SOS2: variants seen among roughly 807,000 people sequenced by gnomAD.
The protein encoded by SOS2 is SOS Ras/Rho guanine nucleotide exchange factor 2.
A neutral mutation model predicts 148.2 loss-of-function variants in SOS2; 65 were observed. The observed-to-expected ratio is 0.44, with a 90% CI of 0.36 to 0.54. The LOEUF (loss-of-function observed/expected upper bound fraction) is 0.54, where lower values mean the gene tolerates loss of function less well. SOS2 is among the 20% of genes least tolerant of loss of function. The probability of loss-of-function intolerance (pLI) is 0.00; values close to 1 mark genes in which losing one functional copy is unlikely to be tolerated. For missense variants in SOS2, 1,341 were observed against 1,590.2 expected (o/e 0.84, Z 2.67); for synonymous variants, 539 against 537.1 (o/e 1.00, Z -0.05).
At chr14:50,191,695 G>A (rs1886144977) in intron 4 of SOS2, among the ~76,000 whole-genome samples, 1 of 152,000 alleles carries the variant, frequency 6.6e-6, no homozygotes, top group Admixed American at 6.6e-5. Context: ...GAAACAGTGG[G>A]GATTATGGTA....
chr14:50,170,332 A>G (rs1343771917), intron 8 of SOS2, among the ~76,000 whole-genome samples: 1 of 152,112 alleles, frequency 6.6e-6, no homozygotes, highest in Non-Finnish European at 1.5e-5. Flanking sequence ...CAAGAAGGAA[A>G]AGAAAAAAAA....
intron 4 of SOS2, among the ~76,000 whole-genome samples, chr14:50,194,259 C>T (rs1369850036): frequency 2.0e-5 from 3 of 152,124 alleles, no homozygotes; most frequent in African/African-American, 4.8e-5. Flanking sequence ...GCAAGAAAGA[C>T]GTATGGCCCA....
At chr14:50,131,091 C>T (rs1883852093) in intron 19 of SOS2, among the ~76,000 whole-genome samples, 1 of 152,052 alleles carries the variant, frequency 6.6e-6, no homozygotes, top group Non-Finnish European at 1.5e-5. Flanking sequence ...ATTTTACAAA[C>T]ATTTACTGGG....
intron 1 of SOS2, among the ~76,000 whole-genome samples, chr14:50,211,549 T>C (rs1441757009): frequency 6.6e-6 from 1 of 151,664 alleles, no homozygotes; most frequent in East Asian, 1.9e-4. Context: ...ATGCAGCATT[T>C]GTTTTTTTTT....
At chr14:50,135,642 C>CTTTTTTTTT (rs56043962) in intron 18 of SOS2, among the ~76,000 whole-genome samples, 36 of 82,566 alleles carry the variant, frequency 4.4e-4, no homozygotes, top group Non-Finnish European at 4.9e-4. Flanking sequence ...ATGTGGTTTG[C>CTTTTTTTTT]TTTTTTTTTT....
At chr14:50,135,347 AT>A (rs1422877415) in intron 18 of SOS2, among the ~76,000 whole-genome samples, 1 of 151,372 alleles carries the variant, frequency 6.6e-6, no homozygotes, top group Non-Finnish European at 1.5e-5. Context: ...TTATCAAAAA[AT>A]ATTTTAAGCT....
At chr14:50,184,964 G>A (rs1191620801) in intron 5 of SOS2, among the ~76,000 whole-genome samples, 2 of 152,074 alleles carry the variant, frequency 1.3e-5, no homozygotes, top group East Asian at 3.9e-4. Flanking sequence ...ACCTTGTGGA[G>A]GTGCTAGGAG....
intron 8 of SOS2, 105 bp from the exon 9 acceptor site, chr14:50,161,714 T>C: frequency 2.1e-6 from 2 of 959,258 alleles, no homozygotes; most frequent in Non-Finnish European, 3.1e-6. Context: ...TCTAAGTTAA[T>C]TTTATATATA....
At chr14:50,226,097 T>C (rs529092739) in intron 1 of SOS2, among the ~76,000 whole-genome samples, 2 of 151,490 alleles carry the variant, frequency 1.3e-5, no homozygotes, top group Non-Finnish European at 2.9e-5. Context: ...CACAGCCACT[T>C]AGAACACAAG....
At chr14:50,130,897 T>G in intron 19 of SOS2, 135 bp from the exon 20 acceptor site, 1 of 647,588 alleles carries the variant, frequency 1.5e-6, no homozygotes, top group South Asian at 2.2e-5. Flanking sequence ...CAGTCTGCAA[T>G]GACAGCCTGT....
Position 50,149,895 on chromosome 14 carries a change from G to A in SOS2, c.2384+113C>T, listed in dbSNP as rs1049893819. 1.1e-5 allele frequency: 8 copies of A among 749,302 alleles called. No individual in the cohort carries two copies. In the Admixed American group the frequency reaches 1.3e-4, roughly 12 times the overall value. The allele number at this position is 749,302 out of a possible 1,614,324, so 46.4% of individuals were successfully genotyped here. On this transcript the variant is annotated intron_variant, in intron 14 of 22. Transcript: ENST00000216373. ...GCTATGACCTTTCCTCTAAGCCCATGAGAGTAGATGAGGTATTTTTAAGCA... is the reference window on the plus strand; with the variant it reads ...GCTATGACCTTTCCTCTAAGCCCATAAGAGTAGATGAGGTATTTTTAAGCA...
intron 7 of SOS2, among the ~76,000 whole-genome samples, chr14:50,177,773 A>T (rs1885572257): frequency 6.6e-6 from 1 of 152,172 alleles, no homozygotes; most frequent in African/African-American, 2.4e-5. Context: ...AACAATGGGA[A>T]TTTATAGTAC....
intron 1 of SOS2, among the ~76,000 whole-genome samples, chr14:50,227,243 CTTTCTTTTT>C (rs1193149228): frequency 2.7e-5 from 3 of 112,620 alleles, no homozygotes; most frequent in South Asian, 2.7e-4. Flanking sequence ...TTCTTTCTTT[CTTTCTTTTT>C]TTTTTTTTTT....
At chr14:50,119,082 C>T (rs546184041) in intron 22 of SOS2, among the ~76,000 whole-genome samples, 1 of 152,044 alleles carries the variant, frequency 6.6e-6, no homozygotes, top group Non-Finnish European at 1.5e-5. Context: ...CTTTATCTTG[C>T]TTTGTGTATA....
rs1268478008 is a variant in SOS2, at chr14:50,117,287, C to G, written c.*1057G>C. On this transcript the variant is annotated 3_prime_UTR_variant, in exon 23 of 23. Transcript: ENST00000216373. Reference sequence around the variant, plus strand: ...CAGCAAAACACTCTATCACTTTGAACGAAGGCATCCAAATGGCAAATAAAA... The same window carrying G: ...CAGCAAAACACTCTATCACTTTGAAGGAAGGCATCCAAATGGCAAATAAAA... 6.6e-6 allele frequency: 1 copy of G among 152,072 alleles called. No homozygotes were observed. Among genetic ancestry groups the G allele is most frequent in the South Asian group, 2.1e-4 (1 of 4,828 alleles). The allele number at this position is 152,072 out of a possible 1,614,324, so 9.4% of individuals were successfully genotyped here. A position where few individuals can be genotyped will look rare whatever the true frequency, so the allele number is the denominator to read the frequency against.
Position 50,134,104 on chromosome 14 carries a change from G to C in SOS2, c.3075+19C>G. The stretch of plus-strand genomic sequence containing the variant: ...TTTAAAAAACAGAACACTTGTTCCC[G>C]AAATTATAAAAGACTTACAAATCGA... On this transcript the variant is annotated intron_variant, in intron 19 of 22. Transcript: ENST00000216373. 3 of 1,195,798 alleles carry C rather than the reference G, an allele frequency of 2.5e-6. No homozygotes were observed. Among genetic ancestry groups the C allele is most frequent in the Non-Finnish European group, 2.5e-6 (2 of 805,196 alleles). 74.1% of individuals were successfully genotyped at this position (1,195,798 alleles called of 1,614,324 possible).
rs2139796369 is a variant in SOS2 at position 50,204,405 on chromosome 14, T to C, written c.92A>G (p.Gln31Arg). The change falls in exon 2 of 23, where the codon CAG (glutamine) becomes CGG (arginine). Residue 31 changes from glutamine to arginine, a missense_variant. Coordinates refer to ENST00000216373, the MANE Select transcript of SOS2 (RefSeq NM_006939.4). ...GLLVSALRKV[Q>R]EQVHPTLSAN... The stretch of plus-strand genomic sequence containing the variant: ...TGAGAGAGTGGGATGCACTTGTTCC[T>C]GAACCTTTAAAAAAAAGTTATCAGT... 2 of 1,560,344 alleles carry C rather than the reference T, an allele frequency of 1.3e-6. No individual in the cohort carries two copies. The highest frequency in any genetic ancestry group is 2.0e-5 in the Admixed American group (1 of 51,008).
chr14:50,223,935 C>T (rs988344963), intron 1 of SOS2, among the ~76,000 whole-genome samples: 5 of 151,950 alleles, frequency 3.3e-5, no homozygotes, highest in African/African-American at 7.3e-5. Flanking sequence ...TTAGATTATA[C>T]GTGAAGCAAT....
intron 1 of SOS2, among the ~76,000 whole-genome samples, chr14:50,230,120 A>G (rs571726978): frequency 6.6e-6 from 1 of 152,356 alleles, no homozygotes; most frequent in Non-Finnish European, 1.5e-5. Flanking sequence ...ATAAGGGAAA[A>G]TCTGCAACTC....
Sources: allele counts gnomAD v4.1 joint callset (sites outside exome capture counted in the v4.1 genomes callset), GRCh38; gene constraint gnomAD v4.1.1; transcripts MANE v1.5; gene names NCBI Gene and HGNC (gene_info 2026-07-23, HGNC 2026-07-21).